The following LRRC37A2 variants were observed in gnomAD, a reference collection of about 807,000 sequenced individuals.
The protein encoded by LRRC37A2 is leucine-rich repeat-containing protein 37A2.
LRRC37A2 carries 9 observed loss-of-function variants against 68.8 expected under a neutral mutation model. The observed-to-expected ratio is 0.13, with a 90% CI of 0.08 to 0.23. LRRC37A2 has a LOEUF of 0.23. Ranked by LOEUF, LRRC37A2 falls within the 10% of genes least tolerant of loss-of-function variation. LRRC37A2 has a pLI of 1.00. For synonymous variants in LRRC37A2, 63 were observed against 367.6 expected, an observed-to-expected ratio of 0.17 and a Z score of 9.48; for missense variants, 168 against 950.4, an observed-to-expected ratio of 0.18 and a Z score of 10.82.
chr17:46,929,844 T>C, the LRRC37A2 span: 2 of 470,294 alleles, frequency 4.3e-6, no homozygotes, highest in South Asian at 4.6e-5. Context: ...CTTGCCTCCA[T>C]CTATCTTAAT....
At chr17:46,793,546 C>T in the LRRC37A2 span, among the ~76,000 whole-genome samples, 9 of 152,152 alleles carry the variant, frequency 5.9e-5, no homozygotes, top group Admixed American at 2.6e-4. Context: ...ACGCCCAAGG[C>T]ATTGCAGGAG....
At chr17:46,782,134 C>T in the LRRC37A2 span, among the ~76,000 whole-genome samples, 1 of 152,216 alleles carries the variant, frequency 6.6e-6, no homozygotes, top group Non-Finnish European at 1.5e-5. Flanking sequence ...CCAAGTCTCC[C>T]CAAGTCATGC....
the LRRC37A2 span, among the ~76,000 whole-genome samples, chr17:46,585,475 A>G: frequency 2.3e-5 from 2 of 86,002 alleles, no homozygotes; most frequent in African/African-American, 8.2e-5. Flanking sequence ...AGCCCCTCCC[A>G]GGAGATGCTG....
chr17:46,816,475 G>GCACACACACACA, the LRRC37A2 span, among the ~76,000 whole-genome samples: 1 of 144,244 alleles, frequency 6.9e-6, no homozygotes. Context: ...CAGAACACAC[G>GCACACACACACA]CACACACACA....
chr17:46,780,506 T>C, the LRRC37A2 span, among the ~76,000 whole-genome samples: 149,488 of 152,382 alleles, frequency 0.98, 73,385 homozygotes, highest in East Asian at 1. Context: ...ATGGGGACTC[T>C]GCCCAGGTGC....
At chr17:46,749,769 T>C in the LRRC37A2 span, 3 of 1,612,310 alleles carry the variant, frequency 1.9e-6, no homozygotes, top group Non-Finnish European at 1.7e-6. Flanking sequence ...CTCCCTATGA[T>C]CAGGGCCGCA....
At chr17:47,044,045 C>CA in the LRRC37A2 span, among the ~76,000 whole-genome samples, 10,160 of 49,780 alleles carry the variant, frequency 0.2, 933 homozygotes, top group East Asian at 0.39. Flanking sequence ...GACTCCATCT[C>CA]AAAAAAAAAA....
the LRRC37A2 span, among the ~76,000 whole-genome samples, chr17:46,489,848 T>C: frequency 1.3e-4 from 20 of 151,024 alleles, no homozygotes; most frequent in African/African-American, 4.7e-4. Context: ...CTTTAGCAGT[T>C]GTTCTTGGAT....
At chr17:46,788,439 C>G in the LRRC37A2 span, among the ~76,000 whole-genome samples, 2 of 152,194 alleles carry the variant, frequency 1.3e-5, no homozygotes, top group Admixed American at 6.5e-5. Flanking sequence ...TTGCTATACC[C>G]TTCAAGCCAG....
At chr17:46,789,964 G>A in the LRRC37A2 span, among the ~76,000 whole-genome samples, 10 of 152,090 alleles carry the variant, frequency 6.6e-5, no homozygotes, top group East Asian at 1.9e-4. Context: ...ATCCCCCCAC[G>A]GCGCTGAGGA....
At chr17:46,988,247 A>G in the LRRC37A2 span, among the ~76,000 whole-genome samples, 25 of 152,376 alleles carry the variant, frequency 1.6e-4, no homozygotes, top group Non-Finnish European at 3.2e-4. Flanking sequence ...CATATACTGT[A>G]TGATTCCATT....
chr17:47,033,525 TA>T, the LRRC37A2 span: 1 of 606,804 alleles, frequency 1.6e-6, no homozygotes, highest in African/African-American at 1.9e-5. Flanking sequence ...CTTGGGATTC[TA>T]GCATAGATCA....
At chr17:46,773,644 C>G in the LRRC37A2 span, 1 of 1,285,728 alleles carries the variant, frequency 7.8e-7, no homozygotes, top group Non-Finnish European at 1.0e-6. Context: ...AGCCCCTCCC[C>G]CCCCCTCAGC....
chr17:46,899,165 G>A, the LRRC37A2 span, among the ~76,000 whole-genome samples: 348 of 152,192 alleles, frequency 2.3e-3, 3 homozygotes, highest in African/African-American at 8.0e-3. Context: ...TGAGGCTGGC[G>A]GATCACTTGA....
chr17:46,762,406 C>T, the LRRC37A2 span: 6 of 151,970 alleles, frequency 3.9e-5, no homozygotes, highest in African/African-American at 1.5e-4. Flanking sequence ...ATAACCTTCA[C>T]TTGGTCATTT....
chr17:47,011,819 T>C, the LRRC37A2 span, among the ~76,000 whole-genome samples: 36 of 152,116 alleles, frequency 2.4e-4, no homozygotes, highest in African/African-American at 8.5e-4. Flanking sequence ...AGGCTATGCA[T>C]CCCTGGATAG....
At chr17:46,911,756 C>T in the LRRC37A2 span, among the ~76,000 whole-genome samples, 50 of 152,234 alleles carry the variant, frequency 3.3e-4, no homozygotes, top group African/African-American at 1.1e-3. Flanking sequence ...TGGTGGCACA[C>T]GCCTGTAGTC....
At chr17:46,873,976 G>A in the LRRC37A2 span, among the ~76,000 whole-genome samples, 1 of 147,038 alleles carries the variant, frequency 6.8e-6, no homozygotes, top group Admixed American at 6.8e-5. Context: ...GAGACAGAAT[G>A]AGACTCTGTC....
chr17:46,956,937 A>G, the LRRC37A2 span, among the ~76,000 whole-genome samples: 1 of 152,232 alleles, frequency 6.6e-6, no homozygotes, highest in Non-Finnish European at 1.5e-5. Flanking sequence ...AGTCAGGGAA[A>G]GCCACACAAG....
Sources: allele counts gnomAD v4.1 joint callset (sites outside exome capture counted in the v4.1 genomes callset), GRCh38; gene constraint gnomAD v4.1.1; transcripts MANE v1.5; gene names NCBI Gene and HGNC (gene_info 2026-07-23, HGNC 2026-07-21).